The following CFAP61 variants were observed in gnomAD, a reference collection of about 807,000 sequenced individuals.
CFAP61 encodes cilia- and flagella-associated protein 61.
CFAP61 carries 107 observed loss-of-function variants against 135.6 expected under a neutral mutation model. The observed-to-expected ratio is 0.79, with a 90% CI of 0.67 to 0.93. The LOEUF (loss-of-function observed/expected upper bound fraction) is 0.93. Ranked by LOEUF, CFAP61 falls within the 40% of genes least tolerant of loss-of-function variation. The probability of loss-of-function intolerance (pLI) is 0.00; values close to 1 mark genes in which losing one functional copy is unlikely to be tolerated. For synonymous variants in CFAP61, 575 were observed against 578.5 expected, an observed-to-expected ratio of 0.99 and a Z score of 0.09; for missense variants, 1,507 against 1,556.2, an observed-to-expected ratio of 0.97 and a Z score of 0.53.
chr20:20,189,884 T>G (rs958175694), intron 14 of CFAP61, among the ~76,000 whole-genome samples: 5 of 152,212 alleles, frequency 3.3e-5, no homozygotes, highest in Admixed American at 2.6e-4. Flanking sequence ...AACCTCCGCC[T>G]CCCGGGTTCA....
At chr20:20,175,999 C>T (rs1384276744) in intron 13 of CFAP61, among the ~76,000 whole-genome samples, 4 of 151,938 alleles carry the variant, frequency 2.6e-5, no homozygotes, top group African/African-American at 9.7e-5. Context: ...GGAACTTAAA[C>T]AAATTTGCAA....
At chr20:20,212,074 C>T (rs994938078) in intron 17 of CFAP61, among the ~76,000 whole-genome samples, 3 of 152,190 alleles carry the variant, frequency 2.0e-5, no homozygotes, top group African/African-American at 7.2e-5. Context: ...GATTTGTTTG[C>T]AGACAACATC....
chr20:20,068,560 G>C (rs1008010969), intron 2 of CFAP61, among the ~76,000 whole-genome samples: 1 of 152,150 alleles, frequency 6.6e-6, no homozygotes. Context: ...TGTGGCTGAG[G>C]AGTGTGATCA....
At chr20:20,189,786 T>G (rs1388136264) in intron 14 of CFAP61, among the ~76,000 whole-genome samples, 1 of 152,178 alleles carries the variant, frequency 6.6e-6, no homozygotes, top group Non-Finnish European at 1.5e-5. Context: ...TATTTTTTTA[T>G]TTTTATTTAT....
In CFAP61 at chr20:20,250,794, T is replaced by C. The variant is rs532564466; in HGVS notation, c.2160-801T>C. The stretch of plus-strand genomic sequence containing the variant: ...ATTCTGGAAACAACCCTCACAAAAC[T>C]GTTTAAATAAACCCAAAGCCACAAG... On this transcript the variant is annotated intron_variant, in intron 19 of 26. Transcript: ENST00000245957. Among the ~76,000 whole-genome samples the C allele has an allele frequency of 3.9e-5, 6 of 152,266 alleles. No individual in the cohort carries two copies. The South Asian group carries it at 1.2e-3, about 32-fold the overall frequency.
intron 24 of CFAP61, among the ~76,000 whole-genome samples, chr20:20,296,056 C>T (rs1275966416): frequency 5.5e-5 from 2 of 36,068 alleles, no homozygotes; most frequent in African/African-American, 9.8e-5. Context: ...CCTTCCTTCC[C>T]TTCCTTCCCT....
intron 25 of CFAP61, among the ~76,000 whole-genome samples, chr20:20,332,562 C>G (rs1377982864): frequency 6.6e-6 from 1 of 151,984 alleles, no homozygotes; most frequent in African/African-American, 2.4e-5. Context: ...AATTCAGACA[C>G]AAAAAAAGTA....
intron 26 of CFAP61, among the ~76,000 whole-genome samples, chr20:20,344,795 A>T (rs2058573032): frequency 6.6e-6 from 1 of 152,212 alleles, no homozygotes; most frequent in African/African-American, 2.4e-5. Flanking sequence ...AGGGATACCT[A>T]CACACTCATG....
intron 18 of CFAP61, among the ~76,000 whole-genome samples, chr20:20,239,479 G>A (rs1019735233): frequency 2.0e-5 from 3 of 152,144 alleles, no homozygotes; most frequent in Non-Finnish European, 4.4e-5. Flanking sequence ...CCACACTAGG[G>A]AATTTGGGCT....
intron 25 of CFAP61, among the ~76,000 whole-genome samples, chr20:20,307,527 TC>T (rs2056549181): frequency 1.3e-5 from 2 of 152,228 alleles, no homozygotes. Flanking sequence ...CAGAAACACT[TC>T]CAGCCTTCTA....
At chr20:20,264,996 A>G (rs1027948148) in intron 21 of CFAP61, among the ~76,000 whole-genome samples, 1 of 152,258 alleles carries the variant, frequency 6.6e-6, no homozygotes, top group Non-Finnish European at 1.5e-5. Context: ...ATGTAAATGA[A>G]TGGGCAGGTT....
intron 17 of CFAP61, among the ~76,000 whole-genome samples, chr20:20,220,435 C>T (rs1336485484): frequency 6.6e-6 from 1 of 152,132 alleles, no homozygotes; most frequent in Non-Finnish European, 1.5e-5. Context: ...AATTATCGAA[C>T]CTAAGCAGGG....
In CFAP61 at chr20:20,106,543, G is replaced by A. The variant is rs375594777; in HGVS notation, c.859+7729G>A. On this transcript the variant is annotated intron_variant, in intron 8 of 26. Transcript: ENST00000245957. Reference sequence around the variant, plus strand: ...ATTTCACAATGGTGGAAATACAAGCGCATTTTTGTATGGGGCCTGGAGGTC... The same window carrying A: ...ATTTCACAATGGTGGAAATACAAGCACATTTTTGTATGGGGCCTGGAGGTC... 6.6e-5 allele frequency among the ~76,000 whole-genome samples: 10 copies of A among 152,286 alleles called. No individual in the cohort carries two copies. The East Asian group carries it at 1.2e-3, about 18-fold the overall frequency.
At chr20:20,346,441 C>G (rs1463783768) in intron 26 of CFAP61, among the ~76,000 whole-genome samples, 2 of 147,638 alleles carry the variant, frequency 1.4e-5, no homozygotes, top group Non-Finnish European at 3.0e-5. Context: ...TTGCTTGAAC[C>G]TGGGAGGTAG....
chr20:20,251,912 G>T, intron 20 of CFAP61, 149 bp downstream of exon 20: 1 of 775,308 alleles, frequency 1.3e-6, no homozygotes, highest in Non-Finnish European at 2.0e-6. Flanking sequence ...CACCCTTCAG[G>T]GCCCGCACAC....
chr20:20,311,067 G>A (rs888338626), intron 25 of CFAP61, among the ~76,000 whole-genome samples: 10 of 152,228 alleles, frequency 6.6e-5, no homozygotes, highest in Admixed American at 2.6e-4. Context: ...TTCCCTTCCC[G>A]GCCTGTGATA....
At chr20:20,184,320 T>C (rs978616949) in intron 13 of CFAP61, among the ~76,000 whole-genome samples, 1 of 152,248 alleles carries the variant, frequency 6.6e-6, no homozygotes, top group African/African-American at 2.4e-5. Context: ...CAGCTGTTTA[T>C]TGAGCATCTA....
chr20:20,334,613 C>T (rs1286482327), intron 25 of CFAP61, among the ~76,000 whole-genome samples: 2 of 152,216 alleles, frequency 1.3e-5, no homozygotes, highest in Non-Finnish European at 2.9e-5. Flanking sequence ...CATCTGAGGC[C>T]AGCTCTGCAT....
At chr20:20,155,845 A>G (rs1333960508) in intron 9 of CFAP61, among the ~76,000 whole-genome samples, 1 of 152,148 alleles carries the variant, frequency 6.6e-6, no homozygotes, top group Non-Finnish European at 1.5e-5. Context: ...TACAAGCACT[A>G]TCGAAAACAG....
Sources: allele counts gnomAD v4.1 joint callset (sites outside exome capture counted in the v4.1 genomes callset), GRCh38; gene constraint gnomAD v4.1.1; transcripts MANE v1.5; gene names NCBI Gene and HGNC (gene_info 2026-07-23, HGNC 2026-07-21).